Variants in EVC observed in about 807,000 individuals in gnomAD.
The protein encoded by EVC is EvC ciliary complex subunit 1.
EVC carries 116 observed loss-of-function variants against 118.9 expected under a neutral mutation model. The ratio of observed to expected loss-of-function variants is 0.98; its 90% confidence interval spans 0.84 to 1.14. EVC has a LOEUF of 1.14. Ranked by LOEUF, EVC falls within the 50% of genes most tolerant of loss-of-function variation. The pLI is 0.00. For synonymous variants in EVC, 619 were observed against 534.7 expected, an observed-to-expected ratio of 1.16 and a Z score of -2.18; for missense variants, 1,401 against 1,246.4, an observed-to-expected ratio of 1.12 and a Z score of -1.87.
chr4:5,796,990 T>C (rs1714077129), intron 13 of EVC, 32 bp from the exon 14 acceptor site: 1 of 1,537,136 alleles, frequency 6.5e-7, no homozygotes, highest in South Asian at 1.1e-5. Flanking sequence ...GCCAAGAGCA[T>C]TGACCCCACC....
Position 5,737,032 on chromosome 4 carries a change from A to G in EVC, c.702+3597A>G, listed in dbSNP as rs1727800417. Among the ~76,000 whole-genome samples the G allele has an allele frequency of 1.3e-5, 2 of 152,236 alleles. No individual in the cohort carries two copies. The highest frequency in any genetic ancestry group is 4.8e-5 in the African/African-American group (2 of 41,470). ...ACAGCCAAGTTGTGAATGCAAAGAA[A>G]AAGTTCTTGAAGGAAATTAAAAGTG... On this transcript the variant is annotated intron_variant, in intron 5 of 20. Transcript: ENST00000264956. This position sits in a 1 kb window ranked among gnomAD's most constrained non-coding sequence, Gnocchi z 5.0.
chr4:5,750,789 T>C (rs568131898), intron 8 of EVC, among the ~76,000 whole-genome samples: 77 of 152,250 alleles, frequency 5.1e-4, no homozygotes, highest in African/African-American at 1.6e-3. Flanking sequence ...AAAAAATTAC[T>C]GTAATGATGC....
chr4:5,822,908 C>T, the EVC span, among the ~76,000 whole-genome samples: 1 of 152,230 alleles, frequency 6.6e-6, no homozygotes, highest in African/African-American at 2.4e-5. Context: ...ACAGCACAAG[C>T]ACCATCCTAT....
In EVC at chr4:5,746,190, G is replaced by A. The variant is rs141310486; in HGVS notation, c.939+849G>A. 1.4e-4 allele frequency among the ~76,000 whole-genome samples: 21 copies of A among 152,330 alleles called. No individual in the cohort carries two copies. The East Asian group carries it at 1.9e-3, about 14-fold the overall frequency. On this transcript the variant is annotated intron_variant, in intron 7 of 20. Transcript: ENST00000264956. This position sits in a 1 kb window ranked among gnomAD's most constrained non-coding sequence, Gnocchi z 5.8. ...CGAGATGGGAGTGTCTATTGCCAGCGAGGTGGGAGTCACTGAAGCTTTGAA... is the reference window on the plus strand; with the variant it reads ...CGAGATGGGAGTGTCTATTGCCAGCAAGGTGGGAGTCACTGAAGCTTTGAA...
chr4:5,734,802 T>C (rs936137143), intron 5 of EVC, among the ~76,000 whole-genome samples: 23 of 152,178 alleles, frequency 1.5e-4, no homozygotes, highest in African/African-American at 5.6e-4. Context: ...AGCATGGCCC[T>C]TCACCCCCTC....
At chr4:5,795,516 G>T (rs576706312) in intron 13 of EVC, among the ~76,000 whole-genome samples, 1 of 152,300 alleles carries the variant, frequency 6.6e-6, no homozygotes, top group Admixed American at 6.5e-5. Flanking sequence ...GCTGGGCGTG[G>T]TGGCAGGTGC....
At chr4:5,792,939 C>G (rs575475641) in intron 12 of EVC, among the ~76,000 whole-genome samples, 255 of 152,234 alleles carry the variant, frequency 1.7e-3, no homozygotes, top group African/African-American at 5.8e-3. Flanking sequence ...GGGTGGAAAA[C>G]TCAGTTTTCC....
chr4:5,718,219 G>A (rs1273003208), intron 1 of EVC, among the ~76,000 whole-genome samples: 1 of 152,048 alleles, frequency 6.6e-6, no homozygotes, highest in African/African-American at 2.4e-5. Flanking sequence ...GGGAAAACAG[G>A]GTTAGGTTCC....
At chr4:5,809,321 T>C (rs1268689708) in intron 18 of EVC, among the ~76,000 whole-genome samples, 197 bp from the exon 19 acceptor site, 1 of 152,198 alleles carries the variant, frequency 6.6e-6, no homozygotes, top group South Asian at 2.1e-4. Flanking sequence ...CCCACAGTTA[T>C]GCAGCAGGAG....
rs1388368557 is a variant in EVC, at chr4:5,812,846, G to C, written c.*1809G>C. The stretch of plus-strand genomic sequence containing the variant: ...CTCCAGACACTGCCCCGTGTCCATG[G>C]GGTTATCACCCACTGTGCTGAGTCA... On this transcript the variant is annotated 3_prime_UTR_variant, in exon 21 of 21. Coordinates refer to ENST00000264956, the MANE Select transcript of EVC (RefSeq NM_153717.3). 1 of 151,610 alleles carries C rather than the reference G, an allele frequency of 6.6e-6. No individual in the cohort carries two copies. The highest frequency in any genetic ancestry group is 1.5e-5 in the Non-Finnish European group (1 of 68,082). The allele number at this position is 151,610 out of a possible 1,614,324, so 9.4% of individuals were successfully genotyped here.
At chr4:5,795,685 A>G (rs1028254194) in intron 13 of EVC, among the ~76,000 whole-genome samples, 2 of 152,212 alleles carry the variant, frequency 1.3e-5, no homozygotes, top group Non-Finnish European at 2.9e-5. Context: ...AGAGGATGGA[A>G]ACATAAGTAG....
chr4:5,804,293 C>T (rs1000889484), intron 16 of EVC, among the ~76,000 whole-genome samples: 2 of 152,180 alleles, frequency 1.3e-5, no homozygotes, highest in South Asian at 2.1e-4. Flanking sequence ...GCTTAACCTG[C>T]AAACAAGAAG....
chr4:5,794,901 G>T (rs1471745632), intron 13 of EVC, among the ~76,000 whole-genome samples: 1 of 152,118 alleles, frequency 6.6e-6, no homozygotes, highest in Non-Finnish European at 1.5e-5. Flanking sequence ...GCCCCCTCTT[G>T]TAGACCCCAG....
chr4:5,803,554 G>GC (rs904201014), intron 16 of EVC, among the ~76,000 whole-genome samples: 2 of 152,100 alleles, frequency 1.3e-5, no homozygotes, highest in African/African-American at 4.8e-5. Flanking sequence ...CCCCACCCCA[G>GC]CCCCCATCCA....
chr4:5,785,058 C>A (rs1457399825), intron 12 of EVC, among the ~76,000 whole-genome samples: 3 of 152,190 alleles, frequency 2.0e-5, no homozygotes, highest in African/African-American at 7.2e-5. Context: ...TATCCATATC[C>A]CTTGCAACTA....
intron 8 of EVC, among the ~76,000 whole-genome samples, chr4:5,752,414 C>G (rs1730519632): frequency 6.6e-6 from 1 of 152,130 alleles, no homozygotes. Context: ...CTCTCTGGGG[C>G]TCTAACAAAA....
chr4:5,794,487 A>G (rs1395751860), intron 13 of EVC, among the ~76,000 whole-genome samples: 1 of 150,160 alleles, frequency 6.7e-6, no homozygotes, highest in African/African-American at 2.4e-5. Context: ...GCTCACTGCA[A>G]CTTCCCTCTG....
At chr4:5,780,701 G>A (rs991371637) in intron 11 of EVC, among the ~76,000 whole-genome samples, 15 of 152,208 alleles carry the variant, frequency 9.9e-5, no homozygotes, top group African/African-American at 3.6e-4. Flanking sequence ...AGGTTGGTGG[G>A]TGCTGGAAGG....
At position 5,798,619 on chromosome 4, in the gene EVC, G is replaced by A. The variant is rs1430134537; in HGVS notation, c.2131G>A (p.Glu711Lys). 2 of 1,584,202 alleles carry A rather than the reference G, an allele frequency of 1.3e-6. No homozygotes were observed. Among genetic ancestry groups the A allele is most frequent in the East Asian group, 2.3e-5 (1 of 43,228 alleles). The change falls in exon 15 of 21, where the codon GAG becomes AAG. Residue 711 changes from glutamate to lysine, a missense_variant. By Grantham distance (56) the Glu-to-Lys change is moderately conservative. Transcript: ENST00000264956. The surrounding 1 kb of genome is among the most constrained non-coding windows in gnomAD (Gnocchi z 4.1). Reference protein sequence around the residue: ...ARVLEEASRLEEEAQQTRLQL... With the variant: ...ARVLEEASRLKEEAQQTRLQL... ...TGTGCTGGAGGAGGCCAGCCGGCTA[G>A]AGGAGGAAGCACAGCAGACACGGCT... is the stretch of plus-strand genomic sequence containing the variant.
Sources: allele counts gnomAD v4.1 joint callset (sites outside exome capture counted in the v4.1 genomes callset), GRCh38; gene constraint gnomAD v4.1.1; non-coding constraint Gnocchi (gnomAD v3.1); transcripts MANE v1.5; gene names NCBI Gene and HGNC (gene_info 2026-07-23, HGNC 2026-07-21).